IQCM: variants seen among roughly 807,000 people sequenced by gnomAD.
IQCM encodes the protein IQ motif containing M.
IQCM carries 45 observed loss-of-function variants against 57.6 expected under a neutral mutation model. The ratio of observed to expected loss-of-function variants is 0.78; its 90% CI spans 0.62 to 1.00. The LOEUF (loss-of-function observed/expected upper bound fraction) is 1.00. Ranked by LOEUF, IQCM falls within the 50% of genes least tolerant of loss-of-function variation. IQCM has a pLI of 0.00. For synonymous variants in IQCM, 148 were observed against 158.9 expected (o/e 0.93, Z 0.51); for missense variants, 468 against 511.6 (o/e 0.91, Z 0.82).
chr4:149,783,576 T>C (rs1476392987), intron 2 of IQCM, among the ~76,000 whole-genome samples: 2 of 152,224 alleles, frequency 1.3e-5, no homozygotes, highest in Non-Finnish European at 2.9e-5. Context: ...GGAAAGACTC[T>C]AGGGTGATCC....
At position 149,739,757 on chromosome 4, in the gene IQCM, T is replaced by C. The variant is rs79119498; in HGVS notation, c.37+2898A>G. 8.9e-3 allele frequency among the ~76,000 whole-genome samples: 1,361 copies of C among 152,230 alleles called. 9 individuals are homozygous for C. The highest frequency in any genetic ancestry group is 0.03 in the African/African-American group (1,261 of 41,550). On this transcript the variant is annotated intron_variant, in intron 3 of 13. Transcript: ENST00000636793. ...ACATGAGTGCAAATACTAACATTCCTATAGGAAAAAAAATATGAGTAGCTC... is the reference window on the plus strand; with the variant it reads ...ACATGAGTGCAAATACTAACATTCCCATAGGAAAAAAAATATGAGTAGCTC...
intron 7 of IQCM, among the ~76,000 whole-genome samples, chr4:149,664,084 G>A (rs1307422934): frequency 1.3e-5 from 2 of 151,996 alleles, no homozygotes; most frequent in African/African-American, 2.4e-5. Flanking sequence ...TGTTGTTGAA[G>A]CCCTCAATGG....
chr4:149,601,829 C>A (rs937562453), intron 8 of IQCM, among the ~76,000 whole-genome samples: 1 of 151,836 alleles, frequency 6.6e-6, no homozygotes, highest in Non-Finnish European at 1.5e-5. Flanking sequence ...GAGGCCAAGG[C>A]AGGCAGATCC....
At chr4:149,506,780 A>T (rs1394841865) in intron 12 of IQCM, among the ~76,000 whole-genome samples, 1 of 152,156 alleles carries the variant, frequency 6.6e-6, no homozygotes, top group African/African-American at 2.4e-5. Context: ...AAAAATTCCC[A>T]ATAACATCAG....
chr4:149,568,695 C>T (rs944080815), intron 9 of IQCM, among the ~76,000 whole-genome samples: 6 of 152,168 alleles, frequency 3.9e-5, no homozygotes, highest in African/African-American at 1.4e-4. Context: ...GGGAGGATTG[C>T]CCAAACCCAG....
chr4:149,654,916 T>C (rs950755684), intron 7 of IQCM, among the ~76,000 whole-genome samples: 2 of 152,084 alleles, frequency 1.3e-5, no homozygotes, highest in Non-Finnish European at 2.9e-5. Flanking sequence ...CCTATAGAAA[T>C]AATTAATTTT....
In IQCM at chr4:149,811,617, G is replaced by A. The variant is rs1274156583; in HGVS notation, c.-49+3694C>T. Among the ~76,000 whole-genome samples, 3 of 151,996 alleles carry A rather than the reference G, an allele frequency of 2.0e-5. No homozygotes were observed. The East Asian group carries it at 5.8e-4, about 29-fold the overall frequency. On this transcript the variant is annotated intron_variant, in intron 2 of 13. Coordinates refer to ENST00000636793, the MANE Select transcript of IQCM (RefSeq NM_001363507.2). Reference sequence around the variant, plus strand: ...TCCTCTCTTAGCTCCTGTCTCCTCTGCCCCACTCCCAGGTATCCAGGGTCC... The same window carrying A: ...TCCTCTCTTAGCTCCTGTCTCCTCTACCCCACTCCCAGGTATCCAGGGTCC...
In IQCM at chr4:149,587,966, C is replaced by T. The variant is rs752093252; in HGVS notation, c.713G>A (p.Arg238Gln). 3.5e-5 allele frequency: 43 copies of T among 1,225,844 alleles called. No individual in the cohort carries two copies. The highest frequency in any genetic ancestry group is 1.1e-4 in the African/African-American group (7 of 64,096). The allele number at this position is 1,225,844 out of a possible 1,614,324, so 75.9% of individuals were successfully genotyped here. A position where few individuals can be genotyped will look rare whatever the true frequency, so the allele number is the denominator to read the frequency against. The change falls in exon 9 of 14, where the codon CGA becomes CAA. Residue 238 changes from arginine (R) to glutamine (Q), a missense_variant. Arg to Gln is a conservative substitution (Grantham distance 43). Coordinates refer to ENST00000636793, the MANE Select transcript of IQCM (RefSeq NM_001363507.2). ...KTFKTLIKKE[R>Q]QPIKPEPKSQ... Reference sequence around the variant, plus strand: ...TTTTGGTTCTGGCTTGATAGGTTGTCGCTCCTTTTTAATAAGGGTTTTAAA... The same window carrying T: ...TTTTGGTTCTGGCTTGATAGGTTGTTGCTCCTTTTTAATAAGGGTTTTAAA...
intron 5 of IQCM, among the ~76,000 whole-genome samples, chr4:149,726,561 T>C (rs1005222881): frequency 6.6e-6 from 1 of 152,200 alleles, no homozygotes; most frequent in African/African-American, 2.4e-5. Flanking sequence ...GGATTTTTTT[T>C]CTACCTACAT....
rs185205424 is a variant in IQCM, at chr4:149,607,048, C to T, written c.681+14081G>A. On this transcript the variant is annotated intron_variant, in intron 8 of 13. Coordinates refer to ENST00000636793, the MANE Select transcript of IQCM (RefSeq NM_001363507.2). ...AAATCCAGAGAAAAATATTAATATCCATGTACAAGAAGCTCAAAGAATACC... is the reference window on the plus strand; with the variant it reads ...AAATCCAGAGAAAAATATTAATATCTATGTACAAGAAGCTCAAAGAATACC... Among the ~76,000 whole-genome samples, 176 of 151,804 alleles carry T rather than the reference C, an allele frequency of 1.2e-3. 1 individual carries two copies. Among genetic ancestry groups the T allele is most frequent in the African/African-American group, 4.2e-3 (172 of 41,404 alleles).
At chr4:149,767,800 G>A (rs761318846) in intron 2 of IQCM, among the ~76,000 whole-genome samples, 8 of 151,918 alleles carry the variant, frequency 5.3e-5, no homozygotes, top group Non-Finnish European at 1.0e-4. Flanking sequence ...AATGATTTTT[G>A]AATAATTGCA....
At chr4:149,505,375 G>A (rs1223642863) in intron 12 of IQCM, among the ~76,000 whole-genome samples, 1 of 152,120 alleles carries the variant, frequency 6.6e-6, no homozygotes, top group Non-Finnish European at 1.5e-5. Context: ...TAGTTACATT[G>A]TATTGACGAA....
At chr4:149,790,178 G>T in intron 2 of IQCM, 1 of 457,444 alleles carries the variant, frequency 2.2e-6, no homozygotes, top group Non-Finnish European at 4.0e-6. Flanking sequence ...TGAAGAGAAA[G>T]TTTGGGAAGA....
chr4:149,612,809 G>T (rs1755422551), intron 8 of IQCM, among the ~76,000 whole-genome samples: 1 of 151,854 alleles, frequency 6.6e-6, no homozygotes, highest in African/African-American at 2.4e-5. Flanking sequence ...AATTAAAATT[G>T]GGAAGTTTAA....
intron 12 of IQCM, among the ~76,000 whole-genome samples, chr4:149,482,802 T>A (rs190035808): frequency 7.2e-5 from 11 of 151,782 alleles, no homozygotes; most frequent in Non-Finnish European, 1.0e-4. Flanking sequence ...ATAATAAATT[T>A]GGAAACATGT....
At chr4:149,689,065 C>T (rs1762756828) in intron 5 of IQCM, among the ~76,000 whole-genome samples, 1 of 151,912 alleles carries the variant, frequency 6.6e-6, no homozygotes, top group Non-Finnish European at 1.5e-5. Flanking sequence ...AACCAAGAAC[C>T]CAAAAGCAAA....
At chr4:149,593,104 G>C (rs1753373716) in intron 8 of IQCM, among the ~76,000 whole-genome samples, 1 of 151,918 alleles carries the variant, frequency 6.6e-6, no homozygotes, top group African/African-American at 2.4e-5. Flanking sequence ...GCATGTTCTT[G>C]AATTTGTTTG....
At chr4:149,637,895 T>C (rs1391303339) in intron 7 of IQCM, among the ~76,000 whole-genome samples, 1 of 152,060 alleles carries the variant, frequency 6.6e-6, no homozygotes, top group Non-Finnish European at 1.5e-5. Flanking sequence ...ATAGAAAATA[T>C]TCACAACCCT....
intron 9 of IQCM, among the ~76,000 whole-genome samples, chr4:149,576,418 C>T (rs148455892): frequency 2.0e-4 from 30 of 151,870 alleles, no homozygotes; most frequent in Admixed American, 1.8e-3. Context: ...TTTAAGGGTA[C>T]AAGTGGTTTT....
Sources: gnomAD v4.1 joint callset for allele counts (sites outside exome capture counted in the v4.1 genomes callset) on GRCh38, gnomAD v4.1.1 for gene constraint, MANE v1.5 for transcripts, NCBI Gene and HGNC (gene_info 2026-07-23, HGNC 2026-07-21) for gene names.